The following PAM variants were observed in gnomAD, a reference collection of about 807,000 sequenced individuals.
PAM encodes the protein peptidyl-glycine alpha-amidating monooxygenase.
A neutral mutation model predicts 122.1 loss-of-function variants in PAM; 72 were observed. The ratio of observed to expected loss-of-function variants is 0.59; its 90% confidence interval spans 0.49 to 0.72. The LOEUF (loss-of-function observed/expected upper bound fraction) is 0.72. PAM is among the 30% of genes least tolerant of loss of function. The pLI is 0.00. For missense variants in PAM, 1,106 were observed against 1,183.7 expected (o/e 0.93, Z 0.96); for synonymous variants, 389 against 404.4 (o/e 0.96, Z 0.46).
chr5:102,945,008 T>TG (rs1382716855), intron 7 of PAM, among the ~76,000 whole-genome samples: 1 of 152,204 alleles, frequency 6.6e-6, no homozygotes. Flanking sequence ...CACTCATAAC[T>TG]GTAAAATACA....
At chr5:102,907,585 C>T (rs1799962234) in intron 4 of PAM, among the ~76,000 whole-genome samples, 1 of 150,558 alleles carries the variant, frequency 6.6e-6, no homozygotes, top group Admixed American at 6.6e-5. Context: ...TACAGTCCCA[C>T]CAACAGTGTA....
rs147753142 is a variant in PAM at position 103,025,284 on chromosome 5, T to C, written c.2639T>C (p.Leu880Pro). 19 of 1,613,694 alleles carry C rather than the reference T, an allele frequency of 1.2e-5. No homozygotes were observed. The highest frequency in any genetic ancestry group is 1.5e-5 in the Non-Finnish European group (18 of 1,179,764). Residue 880 changes from leucine to proline, a missense_variant, in exon 24 of 26, where the codon CTG (leucine) becomes CCG (proline). By Grantham distance (98) the Leu-to-Pro change is moderately conservative. Transcript: ENST00000438793. ...TTLLVIPVVV[L>P]LAIAIFIRWK... ...CTTCTGGTTATTCCGGTGGTTGTCC[T>C]GCTGGCCATTGCCATATTTATTCGG...
At chr5:102,824,342 G>T (rs1772963776) in intron 1 of PAM, among the ~76,000 whole-genome samples, 1 of 152,144 alleles carries the variant, frequency 6.6e-6, no homozygotes, top group African/African-American at 2.4e-5. Context: ...AACCTATGAA[G>T]AATACAATTT....
At chr5:102,805,475 T>G (rs80353889) in intron 1 of PAM, among the ~76,000 whole-genome samples, 2,148 of 152,272 alleles carry the variant, frequency 0.014, 68 homozygotes, top group African/African-American at 0.048. Flanking sequence ...TGTTTTTTTC[T>G]GAATAAAAGA....
chr5:102,835,236 T>C (rs908791726), intron 1 of PAM, among the ~76,000 whole-genome samples: 6 of 152,164 alleles, frequency 3.9e-5, no homozygotes, highest in Admixed American at 3.9e-4. Flanking sequence ...TTATAAGACG[T>C]ACCCAGAGTC....
intron 12 of PAM, among the ~76,000 whole-genome samples, chr5:102,951,968 C>T (rs1209154057): frequency 6.6e-6 from 1 of 151,934 alleles, no homozygotes; most frequent in East Asian, 1.9e-4. Context: ...AAGAGCATAA[C>T]GAGTCCCTTC....
chr5:102,886,292 C>T (rs1338811013), intron 3 of PAM, among the ~76,000 whole-genome samples: 1 of 151,694 alleles, frequency 6.6e-6, no homozygotes, highest in Non-Finnish European at 1.5e-5. Flanking sequence ...GGTTTTTTTG[C>T]GAGATAAATT....
chr5:102,827,470 A>G (rs468024), intron 1 of PAM, among the ~76,000 whole-genome samples: 95,046 of 152,024 alleles, frequency 0.63, 29,920 homozygotes, highest in South Asian at 0.78. Flanking sequence ...GATACATTCT[A>G]ATATTTTCTT....
chr5:102,767,324 G>A (rs1754405403), intron 1 of PAM, among the ~76,000 whole-genome samples: 1 of 151,988 alleles, frequency 6.6e-6, no homozygotes, highest in South Asian at 2.1e-4. Flanking sequence ...CACCTTTTGT[G>A]GCGTTTTATC....
chr5:102,994,140 C>T (rs1039432887), intron 16 of PAM, among the ~76,000 whole-genome samples: 2 of 152,140 alleles, frequency 1.3e-5, no homozygotes, highest in Admixed American at 6.6e-5. Context: ...CAGCCTCCCA[C>T]CTAATGTATA....
chr5:102,939,370 A>C (rs1754336475), intron 7 of PAM, among the ~76,000 whole-genome samples: 1 of 151,946 alleles, frequency 6.6e-6, no homozygotes, highest in Non-Finnish European at 1.5e-5. Flanking sequence ...TTCGAGTCTC[A>C]TTTCTTTGCA....
intron 3 of PAM, among the ~76,000 whole-genome samples, chr5:102,881,402 A>T (rs1412988669): frequency 6.6e-6 from 1 of 152,084 alleles, no homozygotes; most frequent in African/African-American, 2.4e-5. Flanking sequence ...TTTTGCAAAA[A>T]TTCAAAAGAG....
intron 1 of PAM, among the ~76,000 whole-genome samples, chr5:102,857,870 G>T (rs1783053496): frequency 6.6e-6 from 1 of 152,142 alleles, no homozygotes; most frequent in South Asian, 2.1e-4. Context: ...TTACCTATTT[G>T]TTATACCTGA....
chr5:103,013,511 T>TAATTTGATTTCTTCCTTTCC (rs1384712896), intron 21 of PAM, among the ~76,000 whole-genome samples: 2 of 152,214 alleles, frequency 1.3e-5, no homozygotes, highest in Non-Finnish European at 2.9e-5. Context: ...CAAACAAGGA[T>TAATTTGATTTCTTCCTTTCC]AATTTGATTT....
At chr5:102,896,238 C>T (rs1009436659) in intron 3 of PAM, among the ~76,000 whole-genome samples, 3 of 151,668 alleles carry the variant, frequency 2.0e-5, no homozygotes, top group African/African-American at 7.2e-5. Context: ...TAGAAGAGCG[C>T]TTGCCAGGAG....
intron 1 of PAM, among the ~76,000 whole-genome samples, chr5:102,821,950 A>C (rs73189016): frequency 0.014 from 2,158 of 152,330 alleles, 44 homozygotes; most frequent in African/African-American, 0.05. Flanking sequence ...CACATTAAAC[A>C]TTGAAATAAG....
chr5:103,028,233 T>C lies in PAM; in HGVS notation c.2738T>C (p.Phe913Ser). The C allele has an allele frequency of 1.9e-6, 3 of 1,608,184 alleles. No individual in the cohort carries two copies. Among genetic ancestry groups the C allele is most frequent in the Non-Finnish European group, 2.6e-6 (3 of 1,174,808 alleles). ...AGTTCAGGAAGAGTACTGGGAAGAT[T>C]TAGAGGTATGCCTATGACCTTTTAG... ...ETSSGRVLGRFRGKGSGGLNL... is the reference protein window; with the variant it reads ...ETSSGRVLGRSRGKGSGGLNL... Residue 913 changes from phenylalanine to serine, a missense_variant, in exon 25 of 26, where the codon TTT (phenylalanine) becomes TCT (serine). Physicochemically the swap from Phe to Ser is radical, Grantham distance 155 (BLOSUM62 -2). Coordinates refer to ENST00000438793, the MANE Select transcript of PAM (RefSeq NM_001177306.2).
At chr5:102,985,741 T>A (rs1771608081) in intron 15 of PAM, among the ~76,000 whole-genome samples, 1 of 152,184 alleles carries the variant, frequency 6.6e-6, no homozygotes, top group Non-Finnish European at 1.5e-5. Context: ...TAATTTATTC[T>A]ATGAAACCAG....
intron 7 of PAM, among the ~76,000 whole-genome samples, chr5:102,938,845 G>GT (rs1055883943): frequency 2.0e-5 from 3 of 151,960 alleles, no homozygotes; most frequent in Admixed American, 6.6e-5. Flanking sequence ...AACGAGGTTT[G>GT]TTTTTCACTA....
Sources: allele counts gnomAD v4.1 joint callset (sites outside exome capture counted in the v4.1 genomes callset), GRCh38; gene constraint gnomAD v4.1.1; transcripts MANE v1.5; gene names NCBI Gene and HGNC (gene_info 2026-07-23, HGNC 2026-07-21).